The following C1QTNF3 variants were observed in gnomAD, a reference collection of about 807,000 sequenced individuals.
C1QTNF3 encodes the protein C1q and TNF related 3.
A neutral mutation model predicts 32.6 loss-of-function variants in C1QTNF3; 26 were observed. The observed-to-expected ratio is 0.80, with a 90% CI of 0.58 to 1.11. C1QTNF3 has a LOEUF of 1.11. Ranked by LOEUF, C1QTNF3 falls within the 50% of genes least tolerant of loss-of-function variation. The pLI is 0.00. For missense variants in C1QTNF3, 362 were observed against 398.2 expected (o/e 0.91, Z 0.77); for synonymous variants, 155 against 146.0 (o/e 1.06, Z -0.44).
At chr5:34,182,441 C>T in the C1QTNF3 span, among the ~76,000 whole-genome samples, 1 of 152,384 alleles carries the variant, frequency 6.6e-6, no homozygotes, top group African/African-American at 2.4e-5. Context: ...CAGGCCATTG[C>T]GTTCCAGCCT....
chr5:34,115,137 G>A, the C1QTNF3 span, among the ~76,000 whole-genome samples: 24 of 151,878 alleles, frequency 1.6e-4, no homozygotes, highest in Admixed American at 5.9e-4. Context: ...ATTCTAGGTG[G>A]AGAATTATTT....
chr5:34,059,524 G>C, the C1QTNF3 span, among the ~76,000 whole-genome samples: 9,913 of 152,146 alleles, frequency 0.065, 472 homozygotes, highest in Non-Finnish European at 0.094. Flanking sequence ...CTGGTCTATA[G>C]ACAGCTGTCT....
the C1QTNF3 span, among the ~76,000 whole-genome samples, chr5:34,077,334 T>C: frequency 6.6e-6 from 1 of 151,630 alleles, no homozygotes; most frequent in African/African-American, 2.4e-5. Flanking sequence ...GACAACTTTG[T>C]GACCCTTAAT....
chr5:34,063,572 A>T, the C1QTNF3 span, among the ~76,000 whole-genome samples: 1 of 152,076 alleles, frequency 6.6e-6, no homozygotes, highest in Non-Finnish European at 1.5e-5. Context: ...CATCTTACAC[A>T]ATGGGAGAGC....
the C1QTNF3 span, among the ~76,000 whole-genome samples, chr5:34,172,320 G>A: frequency 6.6e-6 from 1 of 151,038 alleles, no homozygotes; most frequent in Admixed American, 6.7e-5. Flanking sequence ...AAAAGTAGAT[G>A]AATGTGGTCT....
chr5:34,147,599 G>T, the C1QTNF3 span, among the ~76,000 whole-genome samples: 1 of 151,968 alleles, frequency 6.6e-6, no homozygotes, highest in African/African-American at 2.4e-5. Context: ...TCACTTATAA[G>T]TGGGAAATAA....
the C1QTNF3 span, among the ~76,000 whole-genome samples, chr5:34,206,438 GCTCTTGGA>G: frequency 6.6e-6 from 1 of 150,988 alleles, no homozygotes; most frequent in African/African-American, 2.4e-5. Context: ...CAATCTATGG[GCTCTTGGA>G]CTCAAGAAAA....
the C1QTNF3 span, among the ~76,000 whole-genome samples, chr5:34,171,642 C>T: frequency 6.6e-6 from 1 of 152,130 alleles, no homozygotes; most frequent in South Asian, 2.1e-4. Context: ...CATGCTAATA[C>T]AGCTCATAAG....
the C1QTNF3 span, chr5:34,165,555 T>C: frequency 3.9e-5 from 6 of 152,126 alleles, no homozygotes; most frequent in Admixed American, 2.0e-4. Flanking sequence ...ACTGCTGTCA[T>C]TGATGCCTCT....
the C1QTNF3 span, chr5:34,175,488 T>C: frequency 2.3e-5 from 6 of 256,768 alleles, no homozygotes; most frequent in Non-Finnish European, 4.5e-5. Flanking sequence ...ATGATGAGTG[T>C]ATCCCAAAAG....
the C1QTNF3 span, among the ~76,000 whole-genome samples, chr5:34,097,290 TTCA>T: frequency 5.3e-5 from 8 of 152,034 alleles, no homozygotes; most frequent in East Asian, 1.9e-4. Context: ...CCTCTTCGTC[TTCA>T]TCATCATCAT....
At chr5:34,067,792 T>C in the C1QTNF3 span, among the ~76,000 whole-genome samples, 1 of 152,224 alleles carries the variant, frequency 6.6e-6, no homozygotes, top group Admixed American at 6.5e-5. Flanking sequence ...AATATGTTGA[T>C]TATTCTTGAA....
At chr5:34,085,796 C>T in the C1QTNF3 span, among the ~76,000 whole-genome samples, 15 of 151,676 alleles carry the variant, frequency 9.9e-5, no homozygotes, top group Non-Finnish European at 2.1e-4. Flanking sequence ...ACAACAGATG[C>T]TGGAGAGGAT....
At chr5:34,140,013 G>A in the C1QTNF3 span, among the ~76,000 whole-genome samples, 4 of 152,094 alleles carry the variant, frequency 2.6e-5, no homozygotes, top group African/African-American at 4.8e-5. Context: ...ACAGACACCC[G>A]CTGATTTTAC....
chr5:34,076,897 G>A, the C1QTNF3 span, among the ~76,000 whole-genome samples: 1 of 151,458 alleles, frequency 6.6e-6, no homozygotes, highest in African/African-American at 2.5e-5. Context: ...AGATCACACA[G>A]GGTTATGAGA....
the C1QTNF3 span, among the ~76,000 whole-genome samples, chr5:34,142,832 G>A: frequency 6.6e-6 from 1 of 152,124 alleles, no homozygotes; most frequent in South Asian, 2.1e-4. Flanking sequence ...CCTCTCAGAG[G>A]AGAAAGAATC....
At chr5:34,084,743 G>C in the C1QTNF3 span, among the ~76,000 whole-genome samples, 13 of 144,574 alleles carry the variant, frequency 9.0e-5, no homozygotes, top group African/African-American at 3.5e-4. Context: ...CAGATGGATA[G>C]ATTGCAAAAA....
chr5:34,071,526 A>G, the C1QTNF3 span, among the ~76,000 whole-genome samples: 1 of 152,132 alleles, frequency 6.6e-6, no homozygotes, highest in East Asian at 1.9e-4. Flanking sequence ...TGTTGAGAGG[A>G]GGCTATATTC....
the C1QTNF3 span, among the ~76,000 whole-genome samples, chr5:34,240,328 T>G: frequency 2.0e-5 from 3 of 151,372 alleles, no homozygotes; most frequent in African/African-American, 4.8e-5. Context: ...TACAAAAGAT[T>G]AATGAAACCC....
Sources: gnomAD v4.1 joint callset for allele counts (sites outside exome capture counted in the v4.1 genomes callset) on GRCh38, gnomAD v4.1.1 for gene constraint, MANE v1.5 for transcripts, NCBI Gene and HGNC (gene_info 2026-07-23, HGNC 2026-07-21) for gene names.